CFH: variants seen among roughly 807,000 people sequenced by gnomAD.
CFH encodes H factor 1 (complement).
A neutral mutation model predicts 147.3 loss-of-function variants in CFH; 53 were observed. That is an observed-to-expected ratio of 0.36 (90% CI 0.29 to 0.45). CFH has a LOEUF of 0.45. CFH is among the 20% of genes least tolerant of loss of function. CFH has a pLI of 1.00. For missense variants in CFH, 1,380 were observed against 1,498.0 expected (o/e 0.92, Z 1.30); for synonymous variants, 536 against 489.4 (o/e 1.10, Z -1.26).
chr1:196,714,054 C>A, intron 10 of CFH, 137 bp downstream of exon 10: 4 of 755,778 alleles, frequency 5.3e-6, no homozygotes, highest in Non-Finnish European at 8.7e-6. Flanking sequence ...AAGCAGACAT[C>A]AATTTTTTTT....
chr1:196,727,498 A>G (rs1669173113), intron 14 of CFH, among the ~76,000 whole-genome samples: 2 of 152,246 alleles, frequency 1.3e-5, no homozygotes, highest in South Asian at 2.1e-4. Context: ...CTCTTTCTTT[A>G]AAAAACAAAA....
intron 1 of CFH, among the ~76,000 whole-genome samples, chr1:196,672,292 G>C (rs988387913): frequency 6.6e-6 from 1 of 152,196 alleles, no homozygotes; most frequent in East Asian, 1.9e-4. Context: ...ATATTTACTT[G>C]AAACAGGTCC....
intron 8 of CFH, 69 bp downstream of exon 8, chr1:196,689,683 A>G: frequency 6.6e-7 from 1 of 1,515,816 alleles, no homozygotes; most frequent in Non-Finnish European, 9.2e-7. Context: ...GAGAGCACAT[A>G]AGTGATTACA....
intron 15 of CFH, among the ~76,000 whole-genome samples, chr1:196,732,733 C>T (rs1418179129): frequency 6.6e-6 from 1 of 152,030 alleles, no homozygotes; most frequent in Non-Finnish European, 1.5e-5. Context: ...CACATCTTTT[C>T]AGGACCTGGG....
chr1:196,728,098 T>C (rs1669189400), intron 14 of CFH, among the ~76,000 whole-genome samples: 1 of 152,130 alleles, frequency 6.6e-6, no homozygotes, highest in African/African-American at 2.4e-5. Context: ...TGATATTTTG[T>C]ATTTCCCAAA....
Position 196,713,761 on chromosome 1 carries a change from A to G in CFH, c.1363A>G (p.Ile455Val), listed in dbSNP as rs1483216541. ...AACATGTTCCAAATCAAGTATAGATATTGAGAATGGGTTTATTTCTGAATC... is the reference window on the plus strand; with the variant it reads ...AACATGTTCCAAATCAAGTATAGATGTTGAGAATGGGTTTATTTCTGAATC... ...VKTCSKSSID[I>V]ENGFISESQY... Residue 455 changes from isoleucine (I) to valine (V), a missense_variant, in exon 10 of 22, where the codon ATT becomes GTT. This residue lies in a region of CFH where 830 missense variants were observed against 821.4 expected (regional missense o/e 1.01). Coordinates refer to ENST00000367429, the MANE Select transcript of CFH (RefSeq NM_000186.4). The G allele has an allele frequency of 1.3e-6, 2 of 1,597,576 alleles. No homozygotes were observed. The highest frequency in any genetic ancestry group is 2.2e-5 in the South Asian group (2 of 90,594).
intron 1 of CFH, among the ~76,000 whole-genome samples, chr1:196,668,420 T>C (rs761777895): frequency 6.9e-4 from 105 of 152,202 alleles, no homozygotes; most frequent in Admixed American, 2.1e-3. Flanking sequence ...TCCACAGACT[T>C]GGCTGTTATT....
intron 12 of CFH, among the ~76,000 whole-genome samples, chr1:196,725,563 A>G (rs1317016311): frequency 1.3e-5 from 2 of 152,174 alleles, no homozygotes; most frequent in Non-Finnish European, 2.9e-5. Flanking sequence ...ATGTTTCTAT[A>G]AAGGAATAAC....
chr1:196,702,523 G>GA (rs764708240), intron 9 of CFH, among the ~76,000 whole-genome samples: 883 of 74,146 alleles, frequency 0.012, 3 homozygotes, highest in East Asian at 0.035. Context: ...GAACAGGATT[G>GA]AAAAAAAAAA....
intron 4 of CFH, among the ~76,000 whole-genome samples, chr1:196,676,435 T>C (rs1667455416): frequency 6.6e-6 from 1 of 152,028 alleles, no homozygotes; most frequent in Non-Finnish European, 1.5e-5. Context: ...AATGCAGGGA[T>C]CTATGGTAAC....
intron 11 of CFH, among the ~76,000 whole-genome samples, chr1:196,724,806 T>C (rs760584069): frequency 1.3e-5 from 2 of 152,170 alleles, no homozygotes; most frequent in Non-Finnish European, 2.9e-5. Context: ...AGTAATTTCA[T>C]GTTTTGAGTA....
At chr1:196,692,719 T>TTCCCTTC in intron 9 of CFH, among the ~76,000 whole-genome samples, 1 of 143,800 alleles carries the variant, frequency 7.0e-6, no homozygotes, top group African/African-American at 2.6e-5. Context: ...TTTCTTTCTT[T>TTCCCTTC]CTTTCTTTCT....
chr1:196,720,231 T>C (rs1366703340), intron 11 of CFH, among the ~76,000 whole-genome samples: 1 of 151,998 alleles, frequency 6.6e-6, no homozygotes, highest in Non-Finnish European at 1.5e-5. Flanking sequence ...ATTTAACTTC[T>C]TAAGATATTT....
intron 6 of CFH, among the ~76,000 whole-genome samples, chr1:196,684,193 T>C (rs1667747434): frequency 6.6e-6 from 1 of 151,920 alleles, no homozygotes; most frequent in Non-Finnish European, 1.5e-5. Context: ...CTTGCCCCCT[T>C]TGTGTAAACA....
intron 11 of CFH, among the ~76,000 whole-genome samples, chr1:196,719,945 T>C (rs1458364144): frequency 6.6e-6 from 1 of 151,682 alleles, no homozygotes; most frequent in African/African-American, 2.4e-5. Flanking sequence ...ACTTAAAATA[T>C]ATTAGAAATG....
chr1:196,747,446 A>G lies in CFH; in HGVS notation c.*133A>G. On this transcript the variant is annotated 3_prime_UTR_variant, in exon 22 of 22. Transcript: ENST00000367429. ...TGGATTAATTTGTGAAAATGTAATT[A>G]TAAGCTGAGACCGGTGGCTCTCTTC... 1 of 995,380 alleles carries G rather than the reference A, an allele frequency of 1.0e-6. No homozygotes were observed. Among genetic ancestry groups the G allele is most frequent in the Non-Finnish European group, 1.5e-6 (1 of 647,724 alleles). 61.7% of individuals were successfully genotyped at this position (995,380 alleles called of 1,614,324 possible).
chr1:196,677,690 G>T, intron 5 of CFH, 23 bp downstream of exon 5: 7 of 1,604,454 alleles, frequency 4.4e-6, no homozygotes, highest in Non-Finnish European at 5.1e-6. Context: ...TACTGTTTTA[G>T]TATTTTTAGC....
intron 9 of CFH, among the ~76,000 whole-genome samples, chr1:196,698,745 T>TAC (rs1333483905): frequency 6.6e-6 from 1 of 152,168 alleles, no homozygotes; most frequent in Non-Finnish European, 1.5e-5. Flanking sequence ...ATCATCCTGA[T>TAC]ACCAAAACCT....
rs537385375 is a variant in CFH at position 196,707,014 on chromosome 1, G to T, written c.1337-6721G>T. 5.3e-5 allele frequency among the ~76,000 whole-genome samples: 8 copies of T among 152,226 alleles called. No individual in the cohort carries two copies. In the East Asian group the frequency reaches 1.4e-3, roughly 26 times the overall value. On this transcript the variant is annotated intron_variant, in intron 9 of 21. Coordinates refer to ENST00000367429, the MANE Select transcript of CFH (RefSeq NM_000186.4). Reference sequence around the variant, plus strand: ...TAGAGAAGATTACCCTCAGGTTTAGGTGGCCTGTCTCCATCCAGTGTGACC... The same window carrying T: ...TAGAGAAGATTACCCTCAGGTTTAGTTGGCCTGTCTCCATCCAGTGTGACC...
Sources: gnomAD v4.1 joint callset for allele counts (sites outside exome capture counted in the v4.1 genomes callset) on GRCh38, gnomAD v4.1.1 for gene constraint, gnomAD v4.1.1 regional missense constraint, MANE v1.5 for transcripts, NCBI Gene and HGNC (gene_info 2026-07-23, HGNC 2026-07-21) for gene names.